Variants in TUSC3 observed in about 807,000 individuals in gnomAD.
The protein encoded by TUSC3 is tumor suppressor candidate 3.
TUSC3 carries 45 observed loss-of-function variants against 44.8 expected under a neutral mutation model. The ratio of observed to expected loss-of-function variants is 1.00; its 90% CI spans 0.79 to 1.29. The LOEUF (loss-of-function observed/expected upper bound fraction) is 1.29, where lower values mean the gene tolerates loss of function less well. Ranked by LOEUF, TUSC3 falls within the 50% of genes most tolerant of loss-of-function variation. The probability of loss-of-function intolerance (pLI) is 0.00; values close to 1 mark genes in which losing one functional copy is unlikely to be tolerated. For missense variants in TUSC3, 519 were observed against 437.9 expected (o/e 1.19, Z -1.65); for synonymous variants, 212 against 152.9 (o/e 1.39, Z -2.85).
intron 2 of TUSC3, among the ~76,000 whole-genome samples, chr8:15,529,224 T>C (rs1801419820): frequency 6.6e-6 from 1 of 152,202 alleles, no homozygotes; most frequent in Admixed American, 6.5e-5. Flanking sequence ...GTAAATCTTT[T>C]ACTAAGCAAT....
At chr8:15,825,226 A>G in the TUSC3 span, among the ~76,000 whole-genome samples, 1 of 152,120 alleles carries the variant, frequency 6.6e-6, no homozygotes, top group African/African-American at 2.4e-5. Context: ...GTTAGTTCTC[A>G]TGCTGCTGAT....
At chr8:15,472,323 G>C (rs560452970) in intron 1 of TUSC3, among the ~76,000 whole-genome samples, 1 of 152,194 alleles carries the variant, frequency 6.6e-6, no homozygotes, top group South Asian at 2.1e-4. Flanking sequence ...CTAGACAGTG[G>C]ACCACAGAAA....
Position 15,463,799 on chromosome 8 carries a change from A to G in TUSC3, n.92-19587A>G, listed in dbSNP as rs536589596. On this transcript the variant is annotated intron_variant and non_coding_transcript_variant, in intron 1 of 5. Coordinates refer to the TUSC3 transcript ENST00000503191. Reference sequence around the variant, plus strand: ...CTACAACCAGGATGATTACACTACTATAGCCAAGCAATTTATACTCATTTC... The same window carrying G: ...CTACAACCAGGATGATTACACTACTGTAGCCAAGCAATTTATACTCATTTC... 2.4e-4 allele frequency among the ~76,000 whole-genome samples: 36 copies of G among 152,296 alleles called. 1 individual carries two copies. In the South Asian group the frequency reaches 7.5e-3, roughly 32 times the overall value.
intron 1 of TUSC3, among the ~76,000 whole-genome samples, chr8:15,429,248 T>C (rs1249280356): frequency 6.6e-6 from 1 of 152,214 alleles, no homozygotes; most frequent in Non-Finnish European, 1.5e-5. Flanking sequence ...ATTTCTTCTT[T>C]TTGTCAGGTG....
chr8:15,797,612 C>G, the TUSC3 span, among the ~76,000 whole-genome samples: 2 of 152,316 alleles, frequency 1.3e-5, no homozygotes, highest in South Asian at 2.1e-4. Context: ...AACAGAAGCA[C>G]TCGTGCTAAA....
intron 1 of TUSC3, among the ~76,000 whole-genome samples, chr8:15,614,749 T>C (rs2129160533): frequency 6.6e-6 from 1 of 152,254 alleles, no homozygotes; most frequent in East Asian, 1.9e-4. Flanking sequence ...TGTACAAATT[T>C]GTAAATTGCC....
chr8:15,467,921 A>C (rs754546834), intron 1 of TUSC3, among the ~76,000 whole-genome samples: 4 of 152,200 alleles, frequency 2.6e-5, no homozygotes, highest in Non-Finnish European at 4.4e-5. Flanking sequence ...TAAGCATTTA[A>C]CTTTATGTTA....
At chr8:15,523,676 G>A (rs1232482008) in intron 2 of TUSC3, among the ~76,000 whole-genome samples, 1,047 of 25,128 alleles carry the variant, frequency 0.042, 62 homozygotes, top group African/African-American at 0.11. Flanking sequence ...GTGTGTGTGT[G>A]TGTGTGTGTG....
chr8:15,758,925 G>A (rs189157498), intron 10 of TUSC3, among the ~76,000 whole-genome samples: 20 of 152,174 alleles, frequency 1.3e-4, no homozygotes, highest in Admixed American at 9.2e-4. Flanking sequence ...GATTTCTTTA[G>A]GCCTTTTTAG....
intron 9 of TUSC3, among the ~76,000 whole-genome samples, chr8:15,750,123 G>C (rs1017671728): frequency 6.6e-6 from 1 of 151,232 alleles, no homozygotes; most frequent in Non-Finnish European, 1.5e-5. Context: ...GGGACTACGG[G>C]TGCCCGCCAC....
At chr8:15,829,387 G>A in the TUSC3 span, among the ~76,000 whole-genome samples, 6 of 152,070 alleles carry the variant, frequency 3.9e-5, no homozygotes, top group African/African-American at 1.4e-4. Flanking sequence ...AATGACAGGG[G>A]CCATTTTTTT....
intron 2 of TUSC3, 46 bp downstream of exon 2, chr8:15,623,295 T>C (rs1321415749): frequency 6.7e-7 from 1 of 1,489,756 alleles, no homozygotes; most frequent in Admixed American, 2.2e-5. Context: ...ATTCTTGGTT[T>C]ACATATATAT....
the TUSC3 span, among the ~76,000 whole-genome samples, chr8:15,849,942 C>G: frequency 6.6e-6 from 1 of 152,092 alleles, no homozygotes; most frequent in Admixed American, 6.5e-5. Context: ...ATAAAGAAAC[C>G]TGAGTGCTTA....
chr8:15,570,571 A>G (rs1802836618), intron 1 of TUSC3, among the ~76,000 whole-genome samples: 4 of 152,282 alleles, frequency 2.6e-5, no homozygotes, highest in Admixed American at 2.6e-4. Context: ...TTTTGTTGTT[A>G]CATTTCAATG....
At chr8:15,422,665 A>G (rs1799751821) in intron 1 of TUSC3, among the ~76,000 whole-genome samples, 1 of 151,958 alleles carries the variant, frequency 6.6e-6, no homozygotes, top group African/African-American at 2.4e-5. Flanking sequence ...TGGTTGGTTG[A>G]TTTTGTGACA....
intron 1 of TUSC3, among the ~76,000 whole-genome samples, chr8:15,420,223 A>G (rs569597208): frequency 1.3e-5 from 2 of 152,192 alleles, no homozygotes; most frequent in South Asian, 4.1e-4. Flanking sequence ...GTGGCCAGGT[A>G]CGATGGTTCA....
At chr8:15,783,864 G>A in the TUSC3 span, among the ~76,000 whole-genome samples, 3 of 152,108 alleles carry the variant, frequency 2.0e-5, no homozygotes, top group African/African-American at 2.4e-5. Flanking sequence ...ATGGGATTAC[G>A]TGAAACAAAA....
At chr8:15,769,087 G>T (rs1412169723), downstream of TUSC3, among the ~76,000 whole-genome samples, 1 of 151,826 alleles carries the variant, frequency 6.6e-6, no homozygotes, top group African/African-American at 2.4e-5. Flanking sequence ...TAAATTTCAT[G>T]TGGAACCAAA....
Position 15,578,801 on chromosome 8 carries a change from C to CTTTGG in TUSC3, c.138+38235_138+38239dup, listed in dbSNP as rs922937403. ...CTTTTTTTGTTGTGTCTCTGCCTGG[C>CTTTGG]TTTGGTATCAGAATGATGCTGGCCC... On this transcript the variant is annotated intron_variant, in intron 1 of 10. Coordinates refer to ENST00000503731, the MANE Select transcript of TUSC3 (RefSeq NM_006765.4). Among the ~76,000 whole-genome samples, 6 of 152,138 alleles carry CTTTGG rather than the reference C, an allele frequency of 3.9e-5. 1 individual carries two copies. The highest frequency in any genetic ancestry group is 6.5e-5 in the Admixed American group (1 of 15,278).
Sources: allele counts gnomAD v4.1 joint callset (sites outside exome capture counted in the v4.1 genomes callset), GRCh38; gene constraint gnomAD v4.1.1; transcripts MANE v1.5; gene names NCBI Gene and HGNC (gene_info 2026-07-23, HGNC 2026-07-21).